TPO: variants seen among roughly 807,000 people sequenced by gnomAD.
TPO encodes thyroid microsomal antigen.
A neutral mutation model predicts 96.9 loss-of-function variants in TPO; 78 were observed. The observed-to-expected ratio is 0.81, with a 90% CI of 0.67 to 0.97. The LOEUF is 0.97. Ranked by LOEUF, TPO falls within the 50% of genes least tolerant of loss-of-function variation. The probability of loss-of-function intolerance (pLI) is 0.00; values close to 1 mark genes in which losing one functional copy is unlikely to be tolerated. For synonymous variants in TPO, 547 were observed against 538.0 expected, an observed-to-expected ratio of 1.02 and a Z score of -0.23; for missense variants, 1,252 against 1,274.8, an observed-to-expected ratio of 0.98 and a Z score of 0.27.
intron 8 of TPO, among the ~76,000 whole-genome samples, chr2:1,480,179 T>C (rs939547444): frequency 2.9e-4 from 44 of 152,384 alleles, no homozygotes; most frequent in African/African-American, 9.9e-4. Flanking sequence ...ATTTTCTGTG[T>C]GTTCTGCTTT....
chr2:1,531,505 A>C (rs1473335529), intron 15 of TPO, among the ~76,000 whole-genome samples: 48 of 29,710 alleles, frequency 1.6e-3, no homozygotes, highest in East Asian at 4.6e-3. Flanking sequence ...GCAACCTCCC[A>C]AAATTGCCCC....
At chr2:1,408,861 G>A (rs1488860314), upstream of TPO, among the ~76,000 whole-genome samples, 1 of 152,200 alleles carries the variant, frequency 6.6e-6, no homozygotes, top group Non-Finnish European at 1.5e-5. Context: ...AGAGTGTAAT[G>A]TCGAAGTTAG....
intron 13 of TPO, among the ~76,000 whole-genome samples, chr2:1,499,426 A>G (rs1672659675): frequency 6.6e-6 from 1 of 152,150 alleles, no homozygotes; most frequent in South Asian, 2.1e-4. Flanking sequence ...GTTAAGATCC[A>G]TTGTAAGAAG....
At position 1,496,206 on chromosome 2, in the gene TPO, C is replaced by T. The variant is rs746924729; in HGVS notation, c.2215+9C>T. On this transcript the variant is annotated intron_variant, in intron 12 of 16. Transcript: ENST00000329066. ...GGAAACCTTTCCTCAAGGTGAAGTT[C>T]GGTCTCCTCTCACACCACGTTACAG... 10 of 1,613,042 alleles carry T rather than the reference C, an allele frequency of 6.2e-6. No homozygotes were observed. Among genetic ancestry groups the T allele is most frequent in the East Asian group, 4.5e-5 (2 of 44,872 alleles).
chr2:1,474,463 T>A (rs1282422551), intron 7 of TPO, among the ~76,000 whole-genome samples: 1 of 152,204 alleles, frequency 6.6e-6, no homozygotes, highest in African/African-American at 2.4e-5. Context: ...CTCTGTAGAG[T>A]GCACTGGGGC....
chr2:1,527,767 C>A (rs1462494591), intron 15 of TPO, among the ~76,000 whole-genome samples: 1 of 145,536 alleles, frequency 6.9e-6, no homozygotes, highest in African/African-American at 2.6e-5. Context: ...TCCCCAAATC[C>A]CCCCCACTCT....
chr2:1,461,979 G>T (rs149876932), intron 7 of TPO, among the ~76,000 whole-genome samples: 1,755 of 152,256 alleles, frequency 0.012, 40 homozygotes, highest in African/African-American at 0.039. Context: ...GGAAAGGCGG[G>T]TGCTCTCATC....
intron 13 of TPO, 197 bp from the exon 14 acceptor site, chr2:1,503,751 G>C (rs1404398648): frequency 1.0e-6 from 1 of 973,132 alleles, no homozygotes; most frequent in Non-Finnish European, 1.6e-6. Context: ...CCCGTGGCCA[G>C]CGCACATCTG....
At chr2:1,475,047 T>A (rs1669766590) in intron 7 of TPO, among the ~76,000 whole-genome samples, 1 of 152,254 alleles carries the variant, frequency 6.6e-6, no homozygotes, top group Non-Finnish European at 1.5e-5. Context: ...AGGAAGGCTT[T>A]GCTGGTGTGC....
Position 1,540,816 on chromosome 2 carries a change from A to G in TPO, c.2748+93A>G, listed in dbSNP as rs747123617. ...GCAGCTCTGCTGGGGCTCCCTGCAT[A>G]TTTCTGTTTACTCCGTGTTTCCTAG... On this transcript the variant is annotated intron_variant, in intron 16 of 16. Coordinates refer to ENST00000329066, the MANE Select transcript of TPO (RefSeq NM_001206744.2). 4 of 1,604,012 alleles carry G rather than the reference A, an allele frequency of 2.5e-6. No homozygotes were observed. The Admixed American group carries it at 5.1e-5, about 21-fold the overall frequency.
chr2:1,397,011 C>T (rs1289568074), intron 1 of TPO, among the ~76,000 whole-genome samples: 1 of 151,314 alleles, frequency 6.6e-6, no homozygotes. Context: ...ATGAGACTTG[C>T]TATCCGTTCC....
intron 15 of TPO, among the ~76,000 whole-genome samples, chr2:1,536,105 C>CG (rs1165176324): frequency 6.6e-5 from 3 of 45,444 alleles, no homozygotes; most frequent in African/African-American, 1.7e-4. Flanking sequence ...TTCCCAAATC[C>CG]CCCCATTATG....
In TPO at chr2:1,535,820, C is replaced by T. The variant is rs1256464206; in HGVS notation, c.2619-4774C>T. Among the ~76,000 whole-genome samples the T allele has an allele frequency of 7.4e-5, 7 of 94,064 alleles. 2 individuals carry two copies. Among genetic ancestry groups the T allele is most frequent in the Non-Finnish European group, 1.3e-4 (6 of 45,844 alleles). 61.7% of individuals were successfully genotyped at this position (94,064 alleles called of 152,430 possible). A position where few individuals can be genotyped will look rare whatever the true frequency, so the allele number is the denominator to read the frequency against. On this transcript the variant is annotated intron_variant, in intron 15 of 16. Transcript: ENST00000329066. ...CCGCCATCCCTCCCACTGTGTGCAACCTGCTCAAATCCCCAAACTGTGTGC... is the reference window on the plus strand; with the variant it reads ...CCGCCATCCCTCCCACTGTGTGCAATCTGCTCAAATCCCCAAACTGTGTGC...
At chr2:1,419,729 G>T (rs180937423) in intron 2 of TPO, among the ~76,000 whole-genome samples, 68 of 152,168 alleles carry the variant, frequency 4.5e-4, no homozygotes, top group Non-Finnish European at 5.9e-5. Context: ...CTTGGAAAAT[G>T]ATTGTTCTTT....
At chr2:1,399,388 C>T (rs950616847) in intron 1 of TPO, among the ~76,000 whole-genome samples, 1 of 152,222 alleles carries the variant, frequency 6.6e-6, no homozygotes, top group African/African-American at 2.4e-5. Flanking sequence ...CCAGTGGACA[C>T]CTGAAGCCAT....
upstream of TPO, among the ~76,000 whole-genome samples, chr2:1,408,592 G>A (rs1662280684): frequency 6.6e-6 from 1 of 152,214 alleles, no homozygotes; most frequent in Non-Finnish European, 1.5e-5. Context: ...AAAGCCATGT[G>A]CTCCTGTGAG....
At chr2:1,476,742 A>G (rs747498914) in intron 7 of TPO, among the ~76,000 whole-genome samples, 111 of 152,054 alleles carry the variant, frequency 7.3e-4, no homozygotes, top group Middle Eastern at 3.4e-3. Flanking sequence ...TCTGGGTTCA[A>G]CCTCTTCCAG....
At chr2:1,511,284 C>T (rs1674093478) in intron 14 of TPO, among the ~76,000 whole-genome samples, 1 of 121,964 alleles carries the variant, frequency 8.2e-6, no homozygotes, top group Admixed American at 8.3e-5. Flanking sequence ...GGTGCCACAG[C>T]GCAGCCCTGC....
At chr2:1,526,380 A>G (rs1256623653) in intron 15 of TPO, among the ~76,000 whole-genome samples, 1 of 42,994 alleles carries the variant, frequency 2.3e-5, no homozygotes, top group Non-Finnish European at 4.1e-5. Context: ...AACCCCCCAA[A>G]TGCCCCCCAA....
Sources: gnomAD v4.1 joint callset for allele counts (sites outside exome capture counted in the v4.1 genomes callset) on GRCh38, gnomAD v4.1.1 for gene constraint, MANE v1.5 for transcripts, NCBI Gene and HGNC (gene_info 2026-07-23, HGNC 2026-07-21) for gene names.